CACNA2D3: variants seen among roughly 807,000 people sequenced by gnomAD.
The protein encoded by CACNA2D3 is voltage-dependent calcium channel subunit alpha-2/delta-3.
Under a neutral mutation model 160.6 loss-of-function variants are expected in CACNA2D3, and 60 were observed. The observed-to-expected ratio is 0.37, with a 90% CI of 0.30 to 0.46. The LOEUF is 0.46. Among genes scored for constraint, CACNA2D3 ranks in the 20% least tolerant of loss-of-function variants. CACNA2D3 has a pLI of 1.00. For missense variants in CACNA2D3, 1,205 were observed against 1,365.0 expected, an observed-to-expected ratio of 0.88 and a Z score of 1.85; for synonymous variants, 558 against 492.9, an observed-to-expected ratio of 1.13 and a Z score of -1.75.
At chr3:54,998,811 G>T (rs1000905747) in intron 31 of CACNA2D3, among the ~76,000 whole-genome samples, 2 of 151,900 alleles carry the variant, frequency 1.3e-5, no homozygotes, top group Non-Finnish European at 2.9e-5. Flanking sequence ...CAGTGGCGTG[G>T]TCTCAGCTCA....
At chr3:54,936,652 G>A (rs1701336997) in intron 27 of CACNA2D3, among the ~76,000 whole-genome samples, 1 of 152,130 alleles carries the variant, frequency 6.6e-6, no homozygotes, top group Non-Finnish European at 1.5e-5. Context: ...CTCGTGCTGT[G>A]ATTTTTTAAG....
chr3:54,552,373 G>A (rs1366955084), intron 5 of CACNA2D3, among the ~76,000 whole-genome samples: 1 of 152,208 alleles, frequency 6.6e-6, no homozygotes, highest in Non-Finnish European at 1.5e-5. Context: ...ATGGCTAGGA[G>A]CTGGCAGCCT....
At chr3:54,800,692 G>A (rs1702964696) in intron 13 of CACNA2D3, among the ~76,000 whole-genome samples, 1 of 152,162 alleles carries the variant, frequency 6.6e-6, no homozygotes, top group Non-Finnish European at 1.5e-5. Context: ...GCCATCAAAT[G>A]AGTAATTTAT....
chr3:54,490,186 A>C (rs1393121039), intron 4 of CACNA2D3, among the ~76,000 whole-genome samples: 2 of 152,246 alleles, frequency 1.3e-5, no homozygotes, highest in Non-Finnish European at 2.9e-5. Flanking sequence ...ACACATTAGG[A>C]ACCTGCTGCA....
At chr3:54,853,249 AT>A (rs1559605144) in intron 17 of CACNA2D3, among the ~76,000 whole-genome samples, 1 of 151,908 alleles carries the variant, frequency 6.6e-6, no homozygotes, top group Non-Finnish European at 1.5e-5. Context: ...GAAAACGTCT[AT>A]TGTTTAACTT....
At chr3:54,724,350 A>G in intron 11 of CACNA2D3, among the ~76,000 whole-genome samples, 1 of 152,170 alleles carries the variant, frequency 6.6e-6, no homozygotes. Context: ...TCAATATTAG[A>G]CAGATCAACG....
Position 55,002,019 on chromosome 3 carries a change from A to G in CACNA2D3, c.2691-2744A>G, listed in dbSNP as rs142597102. 5.2e-3 allele frequency among the ~76,000 whole-genome samples: 798 copies of G among 152,182 alleles called. 10 individuals are homozygous for G. The highest frequency in any genetic ancestry group is 0.018 in the African/African-American group (750 of 41,550). Reference sequence around the variant, plus strand: ...TAAAAATACAAAATTAGTTGGGTGTAGTGGCATGTGCCTGTAGTCCCAACT... The same window carrying G: ...TAAAAATACAAAATTAGTTGGGTGTGGTGGCATGTGCCTGTAGTCCCAACT... On this transcript the variant is annotated intron_variant, in intron 31 of 37. Coordinates refer to ENST00000474759, the MANE Select transcript of CACNA2D3 (RefSeq NM_018398.3).
chr3:54,923,634 C>T (rs1177239422), intron 27 of CACNA2D3, among the ~76,000 whole-genome samples: 1 of 152,208 alleles, frequency 6.6e-6, no homozygotes, highest in Non-Finnish European at 1.5e-5. Context: ...CTTCTCAGTG[C>T]CTGGCATACA....
At chr3:54,769,246 T>C (rs1702275567) in intron 13 of CACNA2D3, among the ~76,000 whole-genome samples, 1 of 152,068 alleles carries the variant, frequency 6.6e-6, no homozygotes, top group Non-Finnish European at 1.5e-5. Flanking sequence ...TTTGAATTTA[T>C]GACTGTCCTG....
At chr3:54,527,400 G>A (rs1323873667) in intron 5 of CACNA2D3, among the ~76,000 whole-genome samples, 1 of 152,180 alleles carries the variant, frequency 6.6e-6, no homozygotes, top group Non-Finnish European at 1.5e-5. Flanking sequence ...TAGTTTTGGA[G>A]CTGGGGGTGG....
intron 35 of CACNA2D3, among the ~76,000 whole-genome samples, chr3:55,053,104 A>G (rs1313789218): frequency 2.6e-5 from 4 of 152,028 alleles, no homozygotes; most frequent in Non-Finnish European, 2.9e-5. Flanking sequence ...GAGTATATCC[A>G]TTACCTCTAA....
intron 9 of CACNA2D3, among the ~76,000 whole-genome samples, chr3:54,595,498 A>G (rs1192597053): frequency 6.6e-6 from 1 of 152,150 alleles, no homozygotes; most frequent in African/African-American, 2.4e-5. Context: ...GTTCCTACCA[A>G]GGAGATGCTA....
chr3:54,852,035 T>G (rs2106784681), intron 17 of CACNA2D3, among the ~76,000 whole-genome samples: 1 of 152,274 alleles, frequency 6.6e-6, no homozygotes, highest in Non-Finnish European at 1.5e-5. Context: ...TTCCTTAAAG[T>G]GGGTTAGAGC....
chr3:54,845,563 G>T (rs904670425), intron 16 of CACNA2D3, among the ~76,000 whole-genome samples: 13 of 152,172 alleles, frequency 8.5e-5, no homozygotes, highest in African/African-American at 3.1e-4. Flanking sequence ...ATGATTTGTA[G>T]GTAAATTTAT....
chr3:54,684,790 G>A (rs1700419597), intron 11 of CACNA2D3, among the ~76,000 whole-genome samples: 1 of 152,132 alleles, frequency 6.6e-6, no homozygotes, highest in South Asian at 2.1e-4. Flanking sequence ...GTTCTCAAGT[G>A]AACACAAATT....
At position 55,073,394 on chromosome 3, in the gene CACNA2D3, C is replaced by G. The variant is rs147708110; in HGVS notation, c.2988-51C>G. On this transcript the variant is annotated intron_variant, in intron 35 of 37. Transcript: ENST00000474759. ...CAGGAGAGAAGTCTTCCTCATGGCT[C>G]TTTAATTGACGGATGGTAAATGACT... 68 of 1,409,938 alleles carry G rather than the reference C, an allele frequency of 4.8e-5. No homozygotes were observed. The East Asian group carries it at 1.6e-3, about 32-fold the overall frequency. 87.3% of individuals were successfully genotyped at this position (1,409,938 alleles called of 1,614,324 possible).
intron 4 of CACNA2D3, among the ~76,000 whole-genome samples, chr3:54,406,400 A>G (rs1699577456): frequency 6.6e-6 from 1 of 152,140 alleles, no homozygotes; most frequent in Non-Finnish European, 1.5e-5. Context: ...TTCAGATTGA[A>G]GAATACTCCA....
chr3:54,296,021 G>T (rs1050939593), intron 2 of CACNA2D3, among the ~76,000 whole-genome samples: 2 of 151,990 alleles, frequency 1.3e-5, no homozygotes, highest in Non-Finnish European at 2.9e-5. Flanking sequence ...GGGGAGGTTG[G>T]CAGGGTTCAG....
intron 2 of CACNA2D3, among the ~76,000 whole-genome samples, chr3:54,230,837 AGC>A (rs1353414445): frequency 1.3e-5 from 2 of 152,254 alleles, no homozygotes; most frequent in Non-Finnish European, 2.9e-5. Context: ...TGTTAAATTG[AGC>A]TGTAAACATT....
Sources: gnomAD v4.1 joint callset for allele counts (sites outside exome capture counted in the v4.1 genomes callset) on GRCh38, gnomAD v4.1.1 for gene constraint, MANE v1.5 for transcripts, NCBI Gene and HGNC (gene_info 2026-07-23, HGNC 2026-07-21) for gene names.